The following ACOX1 variants were observed in gnomAD, a reference collection of about 807,000 sequenced individuals.
The protein encoded by ACOX1 is acyl-CoA oxidase 1.
A neutral mutation model predicts 75.5 loss-of-function variants in ACOX1; 41 were observed. That is an observed-to-expected ratio of 0.54 (90% CI 0.42 to 0.70). The LOEUF is 0.70. Ranked by LOEUF, ACOX1 falls within the 30% of genes least tolerant of loss-of-function variation. The pLI is 0.00. For missense variants in ACOX1, 630 were observed against 837.5 expected (o/e 0.75, Z 3.06); for synonymous variants, 303 against 298.8 (o/e 1.01, Z -0.15).
chr17:75,974,264 CTA>C (rs1392567097), intron 2 of ACOX1, among the ~76,000 whole-genome samples: 2 of 152,066 alleles, frequency 1.3e-5, no homozygotes, highest in East Asian at 1.9e-4. Context: ...ATAATTTCAA[CTA>C]TGTTTCCCTA....
chr17:75,953,201 AG>A (rs2065790182), intron 7 of ACOX1: 4 of 386,966 alleles, frequency 1.0e-5, no homozygotes, highest in African/African-American at 8.2e-5. Context: ...TTTCTTAAAA[AG>A]TTAAAAATAA....
chr17:75,962,858 G>A (rs572628712), intron 2 of ACOX1, among the ~76,000 whole-genome samples: 4 of 152,270 alleles, frequency 2.6e-5, no homozygotes, highest in South Asian at 4.1e-4. Flanking sequence ...GGGGCCAGGC[G>A]CGGTGGCTCA....
At chr17:75,951,323 G>A in intron 8 of ACOX1, 92 bp downstream of exon 8, 1 of 1,498,516 alleles carries the variant, frequency 6.7e-7, no homozygotes, top group Non-Finnish European at 9.3e-7. Flanking sequence ...TTCTTTTCAG[G>A]AAATACCAAC....
chr17:75,955,169 TCC>T (rs1305906915), intron 6 of ACOX1, among the ~76,000 whole-genome samples: 2 of 147,192 alleles, frequency 1.4e-5, no homozygotes, highest in African/African-American at 5.3e-5. Context: ...GCGCCCAGCC[TCC>T]TTTTTTTTTT....
intron 6 of ACOX1, among the ~76,000 whole-genome samples, chr17:75,954,818 C>T (rs1206620146): frequency 6.6e-6 from 1 of 152,014 alleles, no homozygotes; most frequent in Non-Finnish European, 1.5e-5. Flanking sequence ...GATCCATCCT[C>T]CTTGGCCTCC....
intron 2 of ACOX1, among the ~76,000 whole-genome samples, chr17:75,962,537 T>G (rs1395613314): frequency 6.6e-6 from 1 of 152,202 alleles, no homozygotes; most frequent in Non-Finnish European, 1.5e-5. Flanking sequence ...GTTCAGTTTT[T>G]AAATTGCTGT....
intron 6 of ACOX1, among the ~76,000 whole-genome samples, chr17:75,954,717 G>A (rs546316938): frequency 2.7e-5 from 4 of 150,478 alleles, no homozygotes; most frequent in African/African-American, 7.3e-5. Flanking sequence ...GATTACAGGC[G>A]TGTGCCATCA....
At chr17:75,958,301 CA>C (rs1211882153) in intron 3 of ACOX1, among the ~76,000 whole-genome samples, 1 of 137,692 alleles carries the variant, frequency 7.3e-6, no homozygotes, top group Non-Finnish European at 1.5e-5. Flanking sequence ...TGCAGTGAGC[CA>C]AGATTGTGCC....
rs1013260199 is a variant in ACOX1, at chr17:75,942,626, TGGTCTCA to T, written c.*4115_*4121del. On this transcript the variant is annotated 3_prime_UTR_variant, in exon 14 of 14. Coordinates refer to ENST00000293217, the MANE Select transcript of ACOX1 (RefSeq NM_004035.7). ...TAAGTCAGAACATCAACAAGACTCTTGGTCTCAGGTCATCAGTTTCCTGGCACTCCTC... is the reference window on the plus strand; with the variant it reads ...TAAGTCAGAACATCAACAAGACTCTTGGTCATCAGTTTCCTGGCACTCCTC... The T allele has an allele frequency of 5.3e-5, 8 of 152,166 alleles. No individual in the cohort carries two copies. The highest frequency in any genetic ancestry group is 1.9e-4 in the African/African-American group (8 of 41,512). 9.4% of individuals were successfully genotyped at this position (152,166 alleles called of 1,614,324 possible). A position where few individuals can be genotyped will look rare whatever the true frequency, so the allele number is the denominator to read the frequency against.
chr17:75,976,176 T>C (rs932020956), intron 2 of ACOX1, among the ~76,000 whole-genome samples: 6 of 152,236 alleles, frequency 3.9e-5, no homozygotes. Flanking sequence ...CCTTGTCATA[T>C]CCTAAGGACA....
intron 6 of ACOX1, among the ~76,000 whole-genome samples, chr17:75,954,996 T>C (rs1453216528): frequency 2.6e-5 from 4 of 152,064 alleles, no homozygotes; most frequent in Non-Finnish European, 4.4e-5. Flanking sequence ...GCCTCCTGAG[T>C]AGCTGGGACT....
rs1417791271 is a variant in ACOX1, at chr17:75,957,308, T to C, written c.538+151A>G. 8.4e-6 allele frequency: 6 copies of C among 717,246 alleles called. 1 individual carries two copies. Among genetic ancestry groups the C allele is most frequent in the Admixed American group, 2.1e-5 (1 of 48,226 alleles). The allele number at this position is 717,246 out of a possible 1,614,324, so 44.4% of individuals were successfully genotyped here. A position where few individuals can be genotyped will look rare whatever the true frequency, so the allele number is the denominator to read the frequency against. ...ATTAACCAGGCTGGTCTTGAATTCCTGACCTCAAGTGATCTGCCCACCTCA... is the reference window on the plus strand; with the variant it reads ...ATTAACCAGGCTGGTCTTGAATTCCCGACCTCAAGTGATCTGCCCACCTCA... On this transcript the variant is annotated intron_variant, in intron 4 of 13. Coordinates refer to ENST00000293217, the MANE Select transcript of ACOX1 (RefSeq NM_004035.7).
At position 75,973,124 on chromosome 17, in the gene ACOX1, A is replaced by G. The variant is rs531835759; in HGVS notation, c.269+5410T>C. ...GACATGTAGGGGAAAAAATGTCTAA[A>G]AAGACTGAAGTCAGATGAAGAGAAT... On this transcript the variant is annotated intron_variant, in intron 2 of 13. Transcript: ENST00000293217. Among the ~76,000 whole-genome samples the G allele has an allele frequency of 3.3e-5, 5 of 152,332 alleles. No homozygotes were observed. In the South Asian group the frequency reaches 1.0e-3, roughly 32 times the overall value.
intron 2 of ACOX1, among the ~76,000 whole-genome samples, chr17:75,971,291 CA>C (rs376674086): frequency 0.065 from 6,041 of 92,282 alleles, 150 homozygotes; most frequent in East Asian, 0.13. Flanking sequence ...AACTCTGTCT[CA>C]AAAAAAAAAA....
At chr17:75,953,783 C>T (rs955979172) in intron 6 of ACOX1, among the ~76,000 whole-genome samples, 163 bp from the exon 7 acceptor site, 2 of 152,218 alleles carry the variant, frequency 1.3e-5, no homozygotes, top group Non-Finnish European at 2.9e-5. Context: ...ATCAGAAACT[C>T]CAGGGTAGGG....
chr17:75,969,495 T>C (rs1320627517), intron 2 of ACOX1, among the ~76,000 whole-genome samples: 1 of 152,106 alleles, frequency 6.6e-6, no homozygotes, highest in Non-Finnish European at 1.5e-5. Context: ...GTTTATATTA[T>C]TATCACTAAT....
intron 3 of ACOX1, among the ~76,000 whole-genome samples, chr17:75,957,884 T>C (rs1320399869): frequency 6.6e-6 from 1 of 152,228 alleles, no homozygotes; most frequent in Admixed American, 6.5e-5. Flanking sequence ...TCACAATATA[T>C]GAATTTAACA....
intron 2 of ACOX1, among the ~76,000 whole-genome samples, chr17:75,964,187 A>G (rs920240240): frequency 1.3e-5 from 2 of 151,914 alleles, no homozygotes; most frequent in African/African-American, 4.8e-5. Flanking sequence ...TCAAAAAAAA[A>G]AAAAAAAAAA....
chr17:75,974,636 T>A (rs1046775533), intron 2 of ACOX1, among the ~76,000 whole-genome samples: 1 of 152,132 alleles, frequency 6.6e-6, no homozygotes, highest in Non-Finnish European at 1.5e-5. Flanking sequence ...TTACTACCAG[T>A]TTATCCTAAC....
Sources: allele counts gnomAD v4.1 joint callset (sites outside exome capture counted in the v4.1 genomes callset), GRCh38; gene constraint gnomAD v4.1.1; transcripts MANE v1.5; gene names NCBI Gene and HGNC (gene_info 2026-07-23, HGNC 2026-07-21).